Variants in CRISPLD2 observed in about 807,000 individuals in gnomAD.
The protein encoded by CRISPLD2 is cysteine-rich secretory protein LCCL domain-containing 2.
A neutral mutation model predicts 71.1 loss-of-function variants in CRISPLD2; 47 were observed. The observed-to-expected ratio is 0.66, with a 90% CI of 0.52 to 0.84. The LOEUF (loss-of-function observed/expected upper bound fraction) is 0.84. Among genes scored for constraint, CRISPLD2 ranks in the 40% least tolerant of loss-of-function variants. The probability of loss-of-function intolerance (pLI) is 0.00; values close to 1 mark genes in which losing one functional copy is unlikely to be tolerated. For missense variants in CRISPLD2, 830 were observed against 651.1 expected, an observed-to-expected ratio of 1.27 and a Z score of -2.99; for synonymous variants, 317 against 250.1, an observed-to-expected ratio of 1.27 and a Z score of -2.52.
chr16:84,835,221 G>A (rs1202913641), intron 1 of CRISPLD2, among the ~76,000 whole-genome samples: 2 of 152,122 alleles, frequency 1.3e-5, no homozygotes, highest in Non-Finnish European at 2.9e-5. Flanking sequence ...CTGCCAAGTA[G>A]CTGGGATTAC....
chr16:84,843,891 G>A (rs1334761393), intron 2 of CRISPLD2, among the ~76,000 whole-genome samples: 1 of 152,186 alleles, frequency 6.6e-6, no homozygotes, highest in Non-Finnish European at 1.5e-5. Flanking sequence ...CTTGGCTGTT[G>A]AGGAGTCTTG....
At chr16:84,886,491 G>C (rs1262768467) in intron 13 of CRISPLD2, among the ~76,000 whole-genome samples, 1 of 152,054 alleles carries the variant, frequency 6.6e-6, no homozygotes, top group African/African-American at 2.4e-5. Flanking sequence ...CCTGAGCTTG[G>C]GTGTAGCTCC....
intron 2 of CRISPLD2, among the ~76,000 whole-genome samples, chr16:84,842,834 G>A (rs79590554): frequency 0.019 from 2,831 of 152,258 alleles, 98 homozygotes; most frequent in African/African-American, 0.064. Flanking sequence ...TGGTCCTCAT[G>A]GGGCAGGGAG....
chr16:84,829,344 G>C (rs987281249), intron 1 of CRISPLD2: 3 of 152,220 alleles, frequency 2.0e-5, no homozygotes, highest in Admixed American at 6.5e-5. Flanking sequence ...CTCACTGCGT[G>C]GTGCTTACCC....
At chr16:84,893,419 G>T (rs986317020) in intron 14 of CRISPLD2, among the ~76,000 whole-genome samples, 10 of 152,182 alleles carry the variant, frequency 6.6e-5, no homozygotes, top group African/African-American at 2.4e-4. Flanking sequence ...AGGGGTCAGG[G>T]ATCTTCCAGG....
chr16:84,903,137 G>T (rs796584205), intron 14 of CRISPLD2, among the ~76,000 whole-genome samples: 2 of 152,040 alleles, frequency 1.3e-5, no homozygotes, highest in African/African-American at 4.8e-5. Flanking sequence ...ATCTGATTTG[G>T]TTTGGTCTGT....
In CRISPLD2 at chr16:84,907,090, G is replaced by C. The variant is rs1019069358; in HGVS notation, c.*448G>C. 5.1e-6 allele frequency: 1 copy of C among 194,282 alleles called. No individual in the cohort carries two copies. The highest frequency in any genetic ancestry group is 2.4e-5 in the African/African-American group (1 of 41,894). The allele number at this position is 194,282 out of a possible 1,614,324, so 12.0% of individuals were successfully genotyped here. A position where few individuals can be genotyped will look rare whatever the true frequency, so the allele number is the denominator to read the frequency against. On this transcript the variant is annotated 3_prime_UTR_variant, in exon 15 of 15. Coordinates refer to ENST00000262424, the MANE Select transcript of CRISPLD2 (RefSeq NM_031476.4). The stretch of plus-strand genomic sequence containing the variant: ...TTGAGCAAGCGCCAATGAGTTTCAG[G>C]AATGAAGTAGAAGGTAGTTATTTAA...
intron 14 of CRISPLD2, among the ~76,000 whole-genome samples, chr16:84,898,093 T>C (rs1435649806): frequency 6.6e-6 from 1 of 152,212 alleles, no homozygotes; most frequent in Non-Finnish European, 1.5e-5. Context: ...TCAGATCGTT[T>C]CCTTTTTTCT....
intron 8 of CRISPLD2, 68 bp from the exon 9 acceptor site, chr16:84,872,374 G>C (rs721004): frequency 0.061 from 78,278 of 1,293,094 alleles, 3,533 homozygotes; most frequent in Admixed American, 0.21. Context: ...TGAAAAAAAT[G>C]ATAAACTCAT....
At chr16:84,865,355 C>G (rs944943150) in intron 6 of CRISPLD2, among the ~76,000 whole-genome samples, 16 of 152,142 alleles carry the variant, frequency 1.1e-4, no homozygotes, top group Non-Finnish European at 7.4e-5. Flanking sequence ...AGGGTTTCAC[C>G]CTCTTGGCCA....
chr16:84,834,552 C>T (rs1916569485), intron 1 of CRISPLD2, among the ~76,000 whole-genome samples: 1 of 152,382 alleles, frequency 6.6e-6, no homozygotes, highest in East Asian at 1.9e-4. Flanking sequence ...CCTAACGTGC[C>T]TGTCTGCCTC....
intron 1 of CRISPLD2, among the ~76,000 whole-genome samples, chr16:84,837,654 T>A (rs1236818799): frequency 6.6e-6 from 1 of 152,130 alleles, no homozygotes; most frequent in Non-Finnish European, 1.5e-5. Context: ...CCTGACCTTG[T>A]GATCCGCCCG....
chr16:84,864,028 C>T (rs1424011157), intron 6 of CRISPLD2, among the ~76,000 whole-genome samples: 1 of 150,886 alleles, frequency 6.6e-6, no homozygotes, highest in Non-Finnish European at 1.5e-5. Context: ...AAAATGCATG[C>T]CGGGGAGGGC....
intron 8 of CRISPLD2, among the ~76,000 whole-genome samples, 200 bp downstream of exon 8, chr16:84,869,111 A>G (rs2326398): frequency 0.37 from 56,679 of 152,130 alleles, 11,118 homozygotes; most frequent in East Asian, 0.66. Flanking sequence ...TCCTATGGGA[A>G]TGCTGCAGGA....
chr16:84,854,640 C>T (rs1176547896), intron 5 of CRISPLD2, 89 bp from the exon 6 acceptor site: 2 of 916,298 alleles, frequency 2.2e-6, no homozygotes, highest in South Asian at 1.3e-5. Flanking sequence ...TGGCGGTGTT[C>T]AGGGACTCAC....
chr16:84,883,011 T>G (rs928638574), intron 13 of CRISPLD2, among the ~76,000 whole-genome samples: 3 of 152,188 alleles, frequency 2.0e-5, no homozygotes, highest in African/African-American at 7.2e-5. Context: ...TCACTAGGAT[T>G]TTGAGCTTTT....
intron 6 of CRISPLD2, among the ~76,000 whole-genome samples, chr16:84,857,571 C>G (rs888265688): frequency 2.0e-5 from 3 of 152,200 alleles, no homozygotes; most frequent in Admixed American, 1.3e-4. Flanking sequence ...GCCAGGTGCA[C>G]TGCTCGAAGT....
chr16:84,853,677 C>T (rs924105715), intron 5 of CRISPLD2, among the ~76,000 whole-genome samples: 1 of 152,232 alleles, frequency 6.6e-6, no homozygotes, highest in Non-Finnish European at 1.5e-5. Flanking sequence ...CCCTCCCCAT[C>T]TTCCCTGGAA....
intron 2 of CRISPLD2, among the ~76,000 whole-genome samples, chr16:84,845,207 T>A (rs1364809866): frequency 6.6e-6 from 1 of 152,226 alleles, no homozygotes; most frequent in Non-Finnish European, 1.5e-5. Context: ...CTTGGTTTGC[T>A]TGCCTGTGAA....
Sources: allele counts gnomAD v4.1 joint callset (sites outside exome capture counted in the v4.1 genomes callset), GRCh38; gene constraint gnomAD v4.1.1; transcripts MANE v1.5; gene names NCBI Gene and HGNC (gene_info 2026-07-23, HGNC 2026-07-21).